AFF3: variants seen among roughly 807,000 people sequenced by gnomAD.
The protein encoded by AFF3 is AF4/FMR2 family member 3.
In AFF3, 32 loss-of-function variants were observed where a neutral mutation model predicts 129.7. The ratio of observed to expected loss-of-function variants is 0.25; its 90% CI spans 0.19 to 0.33. AFF3 has a LOEUF of 0.33. Among genes scored for constraint, AFF3 ranks in the 10% least tolerant of loss-of-function variants. The probability of loss-of-function intolerance (pLI) is 1.00; values close to 1 mark genes in which losing one functional copy is unlikely to be tolerated. For missense variants in AFF3, 1,373 were observed against 1,592.0 expected, an observed-to-expected ratio of 0.86 and a Z score of 2.34; for synonymous variants, 644 against 635.4, an observed-to-expected ratio of 1.01 and a Z score of -0.20.
chr2:99,951,978 C>G (rs1431055080), intron 7 of AFF3, among the ~76,000 whole-genome samples: 2 of 152,192 alleles, frequency 1.3e-5, no homozygotes, highest in Non-Finnish European at 2.9e-5. Context: ...GCTTGGAGGA[C>G]ATAAAAAGAA....
chr2:100,085,717 C>G (rs1689368547), intron 4 of AFF3, among the ~76,000 whole-genome samples: 1 of 152,094 alleles, frequency 6.6e-6, no homozygotes, highest in African/African-American at 2.4e-5. Flanking sequence ...GAAAGATGAT[C>G]TCTAAGGTTC....
chr2:99,821,790 T>C (rs566462619), intron 8 of AFF3, among the ~76,000 whole-genome samples: 2 of 152,240 alleles, frequency 1.3e-5, no homozygotes, highest in African/African-American at 4.8e-5. Flanking sequence ...GACCAAAACA[T>C]TGTTATGCGG....
chr2:99,797,551 AC>A (rs1323963181), intron 8 of AFF3, among the ~76,000 whole-genome samples: 1 of 152,166 alleles, frequency 6.6e-6, no homozygotes, highest in Non-Finnish European at 1.5e-5. Flanking sequence ...TTGATAAAAA[AC>A]ATAAATCTAC....
At chr2:99,801,170 T>C (rs1378931720) in intron 8 of AFF3, among the ~76,000 whole-genome samples, 1 of 152,206 alleles carries the variant, frequency 6.6e-6, no homozygotes, top group African/African-American at 2.4e-5. Context: ...GTGAAAATGA[T>C]ACTTCCTATT....
chr2:99,822,114 G>A (rs189587425), intron 8 of AFF3, among the ~76,000 whole-genome samples: 9 of 152,192 alleles, frequency 5.9e-5, no homozygotes, highest in African/African-American at 1.9e-4. Context: ...TCTCTTACTC[G>A]CTGTGTTAAC....
intron 4 of AFF3, among the ~76,000 whole-genome samples, chr2:100,053,621 TC>T (rs1278883003): frequency 6.6e-6 from 1 of 151,758 alleles, no homozygotes; most frequent in South Asian, 2.1e-4. Flanking sequence ...TGAAAAAGAG[TC>T]CCTTTGAGTG....
Position 100,090,113 on chromosome 2 carries a change from TAG to T in AFF3, c.53+14287_53+14288del, listed in dbSNP as rs1197326750. Among the ~76,000 whole-genome samples the T allele has an allele frequency of 6.9e-5, 8 of 115,192 alleles. 1 individual carries two copies. In the East Asian group the frequency reaches 1.9e-3, roughly 27 times the overall value. 75.6% of individuals were successfully genotyped at this position (115,192 alleles called of 152,430 possible). On this transcript the variant is annotated intron_variant, in intron 4 of 24. Transcript: ENST00000672756. Reference sequence around the variant, plus strand: ...CTGAAGCAATGCTTCTTTCTAGAATTAGAGTCATACAACTAGAAGAGATGGTC... The same window carrying T: ...CTGAAGCAATGCTTCTTTCTAGAATTAGTCATACAACTAGAAGAGATGGTC...
At chr2:99,622,519 T>C (rs1299937627) in intron 13 of AFF3, among the ~76,000 whole-genome samples, 4 of 152,200 alleles carry the variant, frequency 2.6e-5, no homozygotes, top group East Asian at 1.9e-4. Flanking sequence ...GTCAATATAA[T>C]TTTATTTGCT....
chr2:99,905,343 G>A (rs933189062), intron 7 of AFF3, among the ~76,000 whole-genome samples: 4 of 152,114 alleles, frequency 2.6e-5, no homozygotes, highest in Non-Finnish European at 4.4e-5. Flanking sequence ...GAGCTATCCT[G>A]GTCATGGTGA....
chr2:99,609,185 A>AT (rs1229230407), intron 13 of AFF3, among the ~76,000 whole-genome samples: 2 of 151,202 alleles, frequency 1.3e-5, no homozygotes, highest in South Asian at 2.1e-4. Flanking sequence ...ACCATTTTGT[A>AT]TTTTTTTCTT....
chr2:99,672,241 T>G (rs1470435273), intron 12 of AFF3, among the ~76,000 whole-genome samples: 1 of 112,138 alleles, frequency 8.9e-6, no homozygotes, highest in South Asian at 3.2e-4. Context: ...CATGAATAAA[T>G]AAAAAAGAAA....
intron 7 of AFF3, among the ~76,000 whole-genome samples, chr2:99,905,548 A>C (rs1264738239): frequency 1.3e-5 from 2 of 152,110 alleles, no homozygotes; most frequent in African/African-American, 2.4e-5. Context: ...ACACTGGCTT[A>C]TTGTTTGTTC....
At chr2:99,771,355 C>G (rs1370788712) in intron 8 of AFF3, among the ~76,000 whole-genome samples, 2 of 151,130 alleles carry the variant, frequency 1.3e-5, no homozygotes, top group East Asian at 3.9e-4. Context: ...GTACACGTTA[C>G]CTATGTAATA....
chr2:100,002,223 T>C (rs1681486815), intron 7 of AFF3, among the ~76,000 whole-genome samples: 1 of 152,260 alleles, frequency 6.6e-6, no homozygotes, highest in South Asian at 2.1e-4. Context: ...CACATTGCTT[T>C]ACAGATGCCT....
chr2:100,006,430 A>T, intron 7 of AFF3: 1 of 636,048 alleles, frequency 1.6e-6, no homozygotes, highest in Non-Finnish European at 2.5e-6. Context: ...CTGGAACTCT[A>T]AAAATTCAAA....
At chr2:99,724,273 T>TTTTTTTTTTTTTTTTTTTC in intron 11 of AFF3, among the ~76,000 whole-genome samples, 1 of 115,800 alleles carries the variant, frequency 8.6e-6, no homozygotes, top group Non-Finnish European at 1.7e-5. Context: ...TGACCTTTCT[T>TTTTTTTTTTTTTTTTTTTC]TTTTTTTTTT....
In AFF3 at chr2:99,550,720, T is replaced by G. The variant is rs1251076339; in HGVS notation, c.*754A>C. On this transcript the variant is annotated 3_prime_UTR_variant, in exon 25 of 25. Transcript: ENST00000672756. ...GTTAACTTTCAAAGACGCCGCGTTT[T>G]TGCTAAATCTCAGTGCCATTTGCAT... 1 of 232,976 alleles carries G rather than the reference T, an allele frequency of 4.3e-6. No homozygotes were observed. Among genetic ancestry groups the G allele is most frequent in the Non-Finnish European group, 8.5e-6 (1 of 117,972 alleles). The allele number at this position is 232,976 out of a possible 1,614,324, so 14.4% of individuals were successfully genotyped here.
At chr2:99,727,645 T>C (rs563303400) in intron 10 of AFF3, among the ~76,000 whole-genome samples, 1 of 147,100 alleles carries the variant, frequency 6.8e-6, no homozygotes, top group East Asian at 2.0e-4. Flanking sequence ...CACTGCAACC[T>C]CCACCTCCCG....
At chr2:99,751,292 C>T (rs1681633355) in intron 9 of AFF3, among the ~76,000 whole-genome samples, 1 of 152,144 alleles carries the variant, frequency 6.6e-6, no homozygotes, top group African/African-American at 2.4e-5. Context: ...TGGGTTTCAG[C>T]ATGTTGGCCA....
Sources: gnomAD v4.1 joint callset for allele counts (sites outside exome capture counted in the v4.1 genomes callset) on GRCh38, gnomAD v4.1.1 for gene constraint, MANE v1.5 for transcripts, NCBI Gene and HGNC (gene_info 2026-07-23, HGNC 2026-07-21) for gene names.